The following MAGI2 variants were observed in gnomAD, a reference collection of about 807,000 sequenced individuals.
MAGI2 encodes membrane-associated guanylate kinase, WW and PDZ domain-containing protein 2.
Under a neutral mutation model 133.3 loss-of-function variants are expected in MAGI2, and 35 were observed. The observed-to-expected ratio is 0.26, with a 90% CI of 0.20 to 0.35. The LOEUF (loss-of-function observed/expected upper bound fraction) is 0.35. Among genes scored for constraint, MAGI2 ranks in the 10% least tolerant of loss-of-function variants. The probability of loss-of-function intolerance (pLI) is 1.00; values close to 1 mark genes in which losing one functional copy is unlikely to be tolerated. For synonymous variants in MAGI2, 729 were observed against 710.6 expected (o/e 1.03, Z -0.41); for missense variants, 1,636 against 1,863.4 (o/e 0.88, Z 2.25).
At chr7:78,161,698 A>AAAAAAAAAAAAAAAAAAAAAC (rs1825028146) in intron 15 of MAGI2, among the ~76,000 whole-genome samples, 1 of 151,094 alleles carries the variant, frequency 6.6e-6, no homozygotes, top group Admixed American at 6.6e-5. Flanking sequence ...GAAAAAAAAA[A>AAAAAAAAAAAAAAAAAAAAAC]AGCTGTATTT....
intron 2 of MAGI2, among the ~76,000 whole-genome samples, chr7:78,659,211 G>A (rs10277861): frequency 0.26 from 38,998 of 151,672 alleles, 5,381 homozygotes; most frequent in African/African-American, 0.33. Flanking sequence ...AGCACTTTGG[G>A]AGGCCGAGGC....
intron 15 of MAGI2, among the ~76,000 whole-genome samples, chr7:78,163,068 T>C (rs1825241714): frequency 6.6e-6 from 1 of 152,208 alleles, no homozygotes; most frequent in Admixed American, 6.5e-5. Flanking sequence ...ATCTAGCTCA[T>C]ACACAAGTGG....
chr7:78,429,699 G>T (rs1261070403), intron 6 of MAGI2, among the ~76,000 whole-genome samples: 1 of 151,764 alleles, frequency 6.6e-6, no homozygotes, highest in African/African-American at 2.4e-5. Context: ...TAAAAATGGT[G>T]ACTATACCTA....
intron 11 of MAGI2, among the ~76,000 whole-genome samples, chr7:78,198,192 T>TC (rs1282543692): frequency 6.6e-6 from 1 of 152,174 alleles, no homozygotes; most frequent in Non-Finnish European, 1.5e-5. Context: ...TCTTGTCCAG[T>TC]CCCAGTGGTG....
At chr7:78,061,355 G>A (rs376548070) in intron 21 of MAGI2, among the ~76,000 whole-genome samples, 3 of 150,836 alleles carry the variant, frequency 2.0e-5, no homozygotes, top group African/African-American at 7.3e-5. Flanking sequence ...TGGGAATGGA[G>A]GAGAGGCTGA....
At chr7:78,222,770 C>T (rs746205689) in intron 10 of MAGI2, among the ~76,000 whole-genome samples, 1 of 152,146 alleles carries the variant, frequency 6.6e-6, no homozygotes, top group Non-Finnish European at 1.5e-5. Context: ...TTGCAGGAAA[C>T]TTCATGAGCT....
chr7:79,020,397 C>T (rs1019024578), intron 1 of MAGI2, among the ~76,000 whole-genome samples: 1 of 152,134 alleles, frequency 6.6e-6, no homozygotes, highest in Non-Finnish European at 1.5e-5. Flanking sequence ...AGAAAATCTG[C>T]AGCCCCACAA....
At chr7:78,867,968 C>T (rs575618262) in intron 2 of MAGI2, among the ~76,000 whole-genome samples, 1 of 149,908 alleles carries the variant, frequency 6.7e-6, no homozygotes. Context: ...GGGGGACCAA[C>T]GAAGAGTGAA....
intron 21 of MAGI2, among the ~76,000 whole-genome samples, chr7:78,044,627 T>A (rs1032146867): frequency 2.0e-5 from 3 of 152,078 alleles, no homozygotes; most frequent in Non-Finnish European, 2.9e-5. Context: ...ATGGTCAGGA[T>A]ACAATGATCA....
chr7:78,168,785 A>C (rs1825853268), intron 14 of MAGI2, among the ~76,000 whole-genome samples: 1 of 152,244 alleles, frequency 6.6e-6, no homozygotes. Context: ...GCACATTTTT[A>C]AATTCTGACA....
chr7:79,228,969 A>G (rs981009868), intron 1 of MAGI2, among the ~76,000 whole-genome samples: 8 of 152,314 alleles, frequency 5.3e-5, no homozygotes, highest in African/African-American at 1.7e-4. Context: ...CTTGGCAATG[A>G]ATGCGAATTT....
chr7:79,431,404 T>G (rs1847769156), intron 1 of MAGI2, among the ~76,000 whole-genome samples: 1 of 152,162 alleles, frequency 6.6e-6, no homozygotes, highest in Non-Finnish European at 1.5e-5. Flanking sequence ...TATAATAAAC[T>G]TTTAAGTTCT....
chr7:78,154,808 G>A (rs1051237824), intron 16 of MAGI2, among the ~76,000 whole-genome samples: 1 of 152,184 alleles, frequency 6.6e-6, no homozygotes, highest in African/African-American at 2.4e-5. Context: ...AAGGACAGGT[G>A]CTACAGCTGG....
intron 2 of MAGI2, among the ~76,000 whole-genome samples, chr7:78,897,589 G>T (rs1318348134): frequency 6.6e-6 from 1 of 152,068 alleles, no homozygotes; most frequent in African/African-American, 2.4e-5. Flanking sequence ...TGTTCATTTT[G>T]CTTAGGATTG....
intron 6 of MAGI2, among the ~76,000 whole-genome samples, chr7:78,377,011 T>A (rs1358196915): frequency 2.0e-5 from 3 of 152,168 alleles, no homozygotes; most frequent in Non-Finnish European, 4.4e-5. Flanking sequence ...CAGCTTCAAC[T>A]TCTAGAAGCC....
At chr7:78,893,594 G>A (rs1796951957) in intron 2 of MAGI2, among the ~76,000 whole-genome samples, 1 of 152,118 alleles carries the variant, frequency 6.6e-6, no homozygotes, top group African/African-American at 2.4e-5. Flanking sequence ...CCTGGATGAA[G>A]CCAGAAACCA....
At chr7:78,161,849 G>A (rs967887477) in intron 15 of MAGI2, among the ~76,000 whole-genome samples, 21 of 152,164 alleles carry the variant, frequency 1.4e-4, no homozygotes, top group African/African-American at 4.6e-4. Context: ...AATTAATCAC[G>A]TTTAAATAAA....
At chr7:78,054,305 T>C (rs891146009) in intron 21 of MAGI2, among the ~76,000 whole-genome samples, 15 of 152,090 alleles carry the variant, frequency 9.9e-5, no homozygotes, top group Non-Finnish European at 2.9e-5. Flanking sequence ...TTTGTATTTT[T>C]AGTAGAGATG....
chr7:78,021,792 A>T (rs977753009), intron 21 of MAGI2, among the ~76,000 whole-genome samples: 2 of 152,180 alleles, frequency 1.3e-5, no homozygotes, highest in Non-Finnish European at 2.9e-5. Flanking sequence ...GTGATTTTGG[A>T]CCAACAACTA....
Sources: gnomAD v4.1 joint callset for allele counts (sites outside exome capture counted in the v4.1 genomes callset) on GRCh38, gnomAD v4.1.1 for gene constraint, MANE v1.5 for transcripts, NCBI Gene and HGNC (gene_info 2026-07-23, HGNC 2026-07-21) for gene names.